The following ARFGEF1 variants were observed in gnomAD, a reference collection of about 807,000 sequenced individuals.
The protein encoded by ARFGEF1 is ARF guanine nucleotide exchange factor 1, also known as brefeldin A-inhibited guanine nucleotide-exchange protein 1.
A neutral mutation model predicts 231.0 loss-of-function variants in ARFGEF1; 42 were observed. That is an observed-to-expected ratio of 0.18 (90% CI 0.14 to 0.24). The LOEUF (loss-of-function observed/expected upper bound fraction) is 0.24, where lower values mean the gene tolerates loss of function less well. Among genes scored for constraint, ARFGEF1 ranks in the 10% least tolerant of loss-of-function variants. The pLI is 1.00. For synonymous variants in ARFGEF1, 710 were observed against 732.3 expected, an observed-to-expected ratio of 0.97 and a Z score of 0.49; for missense variants, 1,345 against 2,192.0, an observed-to-expected ratio of 0.61 and a Z score of 7.72.
chr8:67,198,206 A>G lies in ARFGEF1; in HGVS notation c.*728T>C, dbSNP rs1042723867. ...CCACAACAGCTTCTGGGCATGTTACAGCCTCAAAATCACCACCTACCAAAA... is the reference window on the plus strand; with the variant it reads ...CCACAACAGCTTCTGGGCATGTTACGGCCTCAAAATCACCACCTACCAAAA... On this transcript the variant is annotated 3_prime_UTR_variant, in exon 39 of 39. Transcript: ENST00000262215. 4.1e-6 allele frequency: 4 copies of G among 985,782 alleles called. No homozygotes were observed. The Admixed American group carries it at 1.8e-4, about 45-fold the overall frequency. The allele number at this position is 985,782 out of a possible 1,614,324, so 61.1% of individuals were successfully genotyped here. A position where few individuals can be genotyped will look rare whatever the true frequency, so the allele number is the denominator to read the frequency against.
In ARFGEF1 at chr8:67,276,542, A is replaced by C. The variant is rs550938044; in HGVS notation, c.1204-433T>G. Among the ~76,000 whole-genome samples the C allele has an allele frequency of 9.9e-5, 15 of 152,260 alleles. No homozygotes were observed. In the South Asian group the frequency reaches 3.1e-3, roughly 32 times the overall value. On this transcript the variant is annotated intron_variant, in intron 8 of 38. Coordinates refer to ENST00000262215, the MANE Select transcript of ARFGEF1 (RefSeq NM_006421.5). ...ACTGAAGGTCAACCAAGCCAAAAAA[A>C]AATGTACTCCTAAATATGGGACACT...
At chr8:67,273,419 C>CAAAAAAAAAAAAAAAAA (rs58580002) in intron 9 of ARFGEF1, among the ~76,000 whole-genome samples, 1 of 56,610 alleles carries the variant, frequency 1.8e-5, no homozygotes, top group African/African-American at 6.7e-5. Context: ...TTTTTTTTCC[C>CAAAAAAAAAAAAAAAAA]AAAAAAAAAA....
chr8:67,333,177 G>A (rs906880404), intron 1 of ARFGEF1, among the ~76,000 whole-genome samples: 8 of 151,828 alleles, frequency 5.3e-5, no homozygotes, highest in African/African-American at 1.9e-4. Context: ...CTGGACTACA[G>A]GCACGCACCA....
chr8:67,191,178 T>C (rs774376454), intron 5 of ARFGEF1, among the ~76,000 whole-genome samples: 5 of 152,236 alleles, frequency 3.3e-5, no homozygotes, highest in East Asian at 1.9e-4. Context: ...TTCAAACCCA[T>C]GTTCTCCTCA....
chr8:67,253,262 A>G (rs936352567), intron 18 of ARFGEF1, among the ~76,000 whole-genome samples, 189 bp downstream of exon 18: 13 of 152,186 alleles, frequency 8.5e-5, no homozygotes, highest in Admixed American at 2.6e-4. Context: ...TTTTTTAGAG[A>G]CAAGAACCTT....
In ARFGEF1 at chr8:67,192,075, TTTG is replaced by T. The variant is rs1304812260; in HGVS notation, c.560+8318_560+8320del. Among the ~76,000 whole-genome samples, 32 of 134,758 alleles carry T rather than the reference TTTG, an allele frequency of 2.4e-4. 1 individual carries two copies. Among genetic ancestry groups the T allele is most frequent in the African/African-American group, 7.4e-4 (28 of 37,600 alleles). The allele number at this position is 134,758 out of a possible 152,430, so 88.4% of individuals were successfully genotyped here. A position where few individuals can be genotyped will look rare whatever the true frequency, so the allele number is the denominator to read the frequency against. ...AATCCTTTGCTGATTTGTTTTTTTTTTTGTTTTTTTTTTTTGATACAGAGTCCT... is the reference window on the plus strand; with the variant it reads ...AATCCTTTGCTGATTTGTTTTTTTTTTTTTTTTTTTTTGATACAGAGTCCT... On this transcript the variant is annotated intron_variant, in intron 5 of 5. Transcript: ENST00000518789.
intron 29 of ARFGEF1, among the ~76,000 whole-genome samples, chr8:67,224,372 CATAA>C (rs1439498484): frequency 6.6e-6 from 1 of 152,104 alleles, no homozygotes; most frequent in African/African-American, 2.4e-5. Flanking sequence ...ACATAATACC[CATAA>C]TAGTTCCTTT....
intron 33 of ARFGEF1, among the ~76,000 whole-genome samples, chr8:67,214,627 G>A (rs1006989535): frequency 6.6e-6 from 1 of 152,120 alleles, no homozygotes; most frequent in Non-Finnish European, 1.5e-5. Context: ...ATATCTAGTG[G>A]AGCCAATCGA....
chr8:67,235,442 A>T (rs748678391), intron 22 of ARFGEF1, among the ~76,000 whole-genome samples: 3 of 152,196 alleles, frequency 2.0e-5, no homozygotes, highest in Non-Finnish European at 4.4e-5. Flanking sequence ...ATTTAGGTTA[A>T]ATAAGATTTT....
intron 5 of ARFGEF1, among the ~76,000 whole-genome samples, chr8:67,184,943 C>T (rs867914960): frequency 3.6e-5 from 2 of 56,082 alleles, no homozygotes; most frequent in Non-Finnish European, 8.1e-5. Flanking sequence ...ACTAAAAATA[C>T]AAAAAAAAAA....
At chr8:67,244,450 A>G (rs1028485543) in intron 19 of ARFGEF1, among the ~76,000 whole-genome samples, 3 of 147,962 alleles carry the variant, frequency 2.0e-5, no homozygotes, top group Non-Finnish European at 4.4e-5. Flanking sequence ...CTGGAACCAC[A>G]GGCACAAGCC....
In ARFGEF1 at chr8:67,343,329, C is replaced by T. The variant is rs760677096; in HGVS notation, c.-42G>A. 6.2e-7 allele frequency: 1 copy of T among 1,603,628 alleles called. No homozygotes were observed. The highest frequency in any genetic ancestry group is 8.5e-7 in the Non-Finnish European group (1 of 1,173,724). On this transcript the variant is annotated 5_prime_UTR_variant, in exon 1 of 39. Coordinates refer to ENST00000262215, the MANE Select transcript of ARFGEF1 (RefSeq NM_006421.5). ...GCGGCGGCTCGTCCGACCCGCGGCT[C>T]CCAGCGGCTGGAGGGGAGGAGGAGG...
In ARFGEF1 at chr8:67,232,570, A is replaced by G. The variant is rs931606307; in HGVS notation, c.3380+285T>C. Among the ~76,000 whole-genome samples, 3 of 152,040 alleles carry G rather than the reference A, an allele frequency of 2.0e-5. No homozygotes were observed. The East Asian group carries it at 5.8e-4, about 29-fold the overall frequency. On this transcript the variant is annotated intron_variant, in intron 23 of 38. Coordinates refer to ENST00000262215, the MANE Select transcript of ARFGEF1 (RefSeq NM_006421.5). ...AAGGGGAATAAGTTTTCTACGAGAA[A>G]ATAAAACATTTGTATTCTTTTCCAT...
intron 5 of ARFGEF1, 148 bp from the exon 6 acceptor site, chr8:67,292,271 T>C (rs1335661318): frequency 2.8e-6 from 2 of 704,278 alleles, no homozygotes; most frequent in South Asian, 2.0e-5. Flanking sequence ...ACATAAACTA[T>C]ACTAAAAACA....
chr8:67,267,283 T>C (rs2128894209), intron 11 of ARFGEF1, 53 bp from the exon 12 acceptor site: 2 of 1,595,040 alleles, frequency 1.3e-6, no homozygotes, highest in Non-Finnish European at 1.7e-6. Flanking sequence ...TATGAGTACA[T>C]TTGGCCTTTT....
chr8:67,255,111 G>A (rs990410228), intron 17 of ARFGEF1, among the ~76,000 whole-genome samples: 3 of 152,208 alleles, frequency 2.0e-5, no homozygotes, highest in African/African-American at 7.2e-5. Flanking sequence ...AAAATCTGAA[G>A]TAGCAGTTAA....
chr8:67,292,746 A>G (rs1806064447), intron 5 of ARFGEF1, among the ~76,000 whole-genome samples: 1 of 152,142 alleles, frequency 6.6e-6, no homozygotes, highest in African/African-American at 2.4e-5. Flanking sequence ...ACTGGCTCAC[A>G]AAATGTTAGA....
In ARFGEF1 at chr8:67,257,632, A is replaced by C. The variant is rs1214442951; in HGVS notation, c.2526+100T>G. 3.1e-6 allele frequency: 3 copies of C among 966,624 alleles called. No individual in the cohort carries two copies. The African/African-American group carries it at 5.0e-5, about 16-fold the overall frequency. 59.9% of individuals were successfully genotyped at this position (966,624 alleles called of 1,614,324 possible). A position where few individuals can be genotyped will look rare whatever the true frequency, so the allele number is the denominator to read the frequency against. On this transcript the variant is annotated intron_variant, in intron 17 of 38. Transcript: ENST00000262215. The stretch of plus-strand genomic sequence containing the variant: ...AATACCCAAATATGGTGACTGGTTT[A>C]ACTGAATAAAACTAAAATTTCAACT...
chr8:67,323,160 G>T (rs1330827360), intron 1 of ARFGEF1, among the ~76,000 whole-genome samples: 1 of 152,134 alleles, frequency 6.6e-6, no homozygotes, highest in Non-Finnish European at 1.5e-5. Context: ...GCTGAGGCAG[G>T]AGAATTGCTT....
Sources: gnomAD v4.1 joint callset for allele counts (sites outside exome capture counted in the v4.1 genomes callset) on GRCh38, gnomAD v4.1.1 for gene constraint, MANE v1.5 for transcripts, NCBI Gene and HGNC (gene_info 2026-07-23, HGNC 2026-07-21) for gene names.